The following ACAP2 variants were observed in gnomAD, a reference collection of about 807,000 sequenced individuals.
ACAP2 encodes the protein ArfGAP with coiled-coil, ankyrin repeat and PH domains 2.
In ACAP2, 39 loss-of-function variants were observed where a neutral mutation model predicts 115.8. That is an observed-to-expected ratio of 0.34 (90% confidence interval 0.26 to 0.44). The LOEUF is 0.44. ACAP2 is among the 20% of genes least tolerant of loss of function. The pLI, the probability that ACAP2 is intolerant of heterozygous loss-of-function variation, is 1.00. For synonymous variants in ACAP2, 289 were observed against 315.8 expected, an observed-to-expected ratio of 0.92 and a Z score of 0.90; for missense variants, 662 against 927.6, an observed-to-expected ratio of 0.71 and a Z score of 3.72.
At chr3:195,309,715 G>A (rs1445636880) in intron 10 of ACAP2, among the ~76,000 whole-genome samples, 1 of 152,096 alleles carries the variant, frequency 6.6e-6, no homozygotes, top group Admixed American at 6.6e-5. Flanking sequence ...AAATTAGCTT[G>A]GCCTTACTTT....
chr3:195,336,698 T>A (rs1452086689), intron 7 of ACAP2: 1 of 495,420 alleles, frequency 2.0e-6, no homozygotes, highest in Non-Finnish European at 3.6e-6. Flanking sequence ...CATAACAGTA[T>A]AGAGTCTACC....
chr3:195,341,324 T>TTTG (rs1730856477), intron 6 of ACAP2, among the ~76,000 whole-genome samples: 1 of 137,432 alleles, frequency 7.3e-6, no homozygotes, highest in South Asian at 2.5e-4. Context: ...TGTGTGGGTT[T>TTTG]TTTTTTTTTT....
chr3:195,299,232 G>A (rs530647749), intron 15 of ACAP2, among the ~76,000 whole-genome samples: 79 of 152,170 alleles, frequency 5.2e-4, no homozygotes, highest in Middle Eastern at 6.8e-3. Flanking sequence ...GATGGGAAAG[G>A]AAAGGATTTT....
chr3:195,439,010 G>A (rs928709633), intron 1 of ACAP2, among the ~76,000 whole-genome samples: 4 of 151,444 alleles, frequency 2.6e-5, no homozygotes, highest in African/African-American at 7.3e-5. Flanking sequence ...GCAGTGAGCC[G>A]ACATCGTGCC....
intron 10 of ACAP2, among the ~76,000 whole-genome samples, chr3:195,310,252 C>A (rs1376620522): frequency 6.6e-6 from 1 of 152,096 alleles, no homozygotes; most frequent in Non-Finnish European, 1.5e-5. Context: ...AAAGAGGAAT[C>A]GCCTTTACCA....
Position 195,289,803 on chromosome 3 carries a change from C to CAAAAAAAA in ACAP2, c.2064-580_2064-573dup, listed in dbSNP as rs35498756. Among the ~76,000 whole-genome samples the CAAAAAAAA allele has an allele frequency of 3.8e-4, 42 of 111,948 alleles. 1 individual carries two copies. The East Asian group carries it at 3.9e-3, about 10-fold the overall frequency. The allele number at this position is 111,948 out of a possible 152,430, so 73.4% of individuals were successfully genotyped here. On this transcript the variant is annotated intron_variant, in intron 20 of 22. Coordinates refer to ENST00000326793, the MANE Select transcript of ACAP2 (RefSeq NM_012287.6). ...CCTGGGCGAGAGCAAGACTCCGTCT[C>CAAAAAAAA]AAAAAAAAAAAAAAAAAGAATATCA...
chr3:195,327,494 C>T (rs1025845999), intron 8 of ACAP2, among the ~76,000 whole-genome samples: 2 of 151,614 alleles, frequency 1.3e-5, no homozygotes, highest in African/African-American at 2.4e-5. Context: ...ATACTCAAAT[C>T]TAAAAAGAAG....
intron 2 of ACAP2, among the ~76,000 whole-genome samples, chr3:195,390,681 T>C (rs142479456): frequency 0.013 from 1,945 of 152,304 alleles, 32 homozygotes; most frequent in African/African-American, 0.043. Flanking sequence ...TTTCACAAGA[T>C]GGGATCCCCA....
At chr3:195,365,879 C>T (rs1732682429) in intron 4 of ACAP2, among the ~76,000 whole-genome samples, 1 of 150,204 alleles carries the variant, frequency 6.7e-6, no homozygotes, top group Non-Finnish European at 1.5e-5. Context: ...CTTCCTTTGC[C>T]GCCTAAGCTG....
intron 1 of ACAP2, among the ~76,000 whole-genome samples, chr3:195,426,402 T>C (rs1714689877): frequency 6.6e-6 from 1 of 152,208 alleles, no homozygotes. Flanking sequence ...AAACTGTATC[T>C]GTCCCAAGGA....
intron 20 of ACAP2, among the ~76,000 whole-genome samples, 162 bp downstream of exon 20, chr3:195,291,542 AAG>A (rs984134203): frequency 3.3e-5 from 5 of 152,236 alleles, no homozygotes; most frequent in African/African-American, 1.2e-4. Flanking sequence ...CTTTTTCTGA[AAG>A]AGATTTTTTT....
chr3:195,418,203 TCCTTA>T (rs1314932162), intron 1 of ACAP2, among the ~76,000 whole-genome samples: 1 of 152,200 alleles, frequency 6.6e-6, no homozygotes, highest in African/African-American at 2.4e-5. Flanking sequence ...ATTTAAATAT[TCCTTA>T]CCTTAAGAAG....
intron 18 of ACAP2, among the ~76,000 whole-genome samples, chr3:195,292,864 G>A (rs1727355495): frequency 1.4e-5 from 2 of 140,674 alleles, no homozygotes; most frequent in Non-Finnish European, 3.0e-5. Context: ...AGAGGTTGCA[G>A]TGAGCTGAGA....
At position 195,332,090 on chromosome 3, in the gene ACAP2, C is replaced by T. The variant is rs1223204678; in HGVS notation, c.669+938G>A. Among the ~76,000 whole-genome samples the T allele has an allele frequency of 4.0e-5, 6 of 149,940 alleles. No individual in the cohort carries two copies. The East Asian group carries it at 7.8e-4, about 20-fold the overall frequency. Reference sequence around the variant, plus strand: ...TGGAGCTTGCAGTGAGCCGAGATCCCGCCACTGCACTCCAGCCTGGGTGAC... The same window carrying T: ...TGGAGCTTGCAGTGAGCCGAGATCCTGCCACTGCACTCCAGCCTGGGTGAC... On this transcript the variant is annotated intron_variant, in intron 8 of 22. Coordinates refer to ENST00000326793, the MANE Select transcript of ACAP2 (RefSeq NM_012287.6).
At chr3:195,413,540 G>C (rs529951721) in intron 1 of ACAP2, among the ~76,000 whole-genome samples, 1 of 152,220 alleles carries the variant, frequency 6.6e-6, no homozygotes, top group East Asian at 1.9e-4. Flanking sequence ...CTTGAGGTCA[G>C]GAGTTTGAGA....
chr3:195,293,138 T>C (rs966898922), intron 18 of ACAP2, among the ~76,000 whole-genome samples: 7 of 152,184 alleles, frequency 4.6e-5, no homozygotes, highest in Admixed American at 1.3e-4. Context: ...ATCCAAGGGA[T>C]AGGTTAATTA....
intron 22 of ACAP2, chr3:195,280,586 T>G (rs950990651): frequency 6.6e-6 from 1 of 152,202 alleles, no homozygotes; most frequent in Non-Finnish European, 1.5e-5. Flanking sequence ...AAAATGCAAA[T>G]AAATACCAAG....
intron 13 of ACAP2, 33 bp from the exon 14 acceptor site, chr3:195,302,207 A>C (rs1388289203): frequency 6.4e-7 from 1 of 1,572,776 alleles, no homozygotes; most frequent in South Asian, 1.1e-5. Flanking sequence ...GTTTTTAAAA[A>C]AAAAAAAGAT....
intron 13 of ACAP2, among the ~76,000 whole-genome samples, chr3:195,302,408 A>C (rs762214523): frequency 5.9e-5 from 9 of 152,160 alleles, no homozygotes; most frequent in Non-Finnish European, 1.5e-5. Context: ...ATATATAATA[A>C]ATGACACAAT....
Sources: allele counts gnomAD v4.1 joint callset (sites outside exome capture counted in the v4.1 genomes callset), GRCh38; gene constraint gnomAD v4.1.1; transcripts MANE v1.5; gene names NCBI Gene and HGNC (gene_info 2026-07-23, HGNC 2026-07-21).